PHF8: variants seen among roughly 807,000 people sequenced by gnomAD.
PHF8 encodes histone lysine demethylase PHF8.
Under a neutral mutation model 74.4 loss-of-function variants are expected in PHF8, and 9 were observed. That is an observed-to-expected ratio of 0.12 (90% confidence interval 0.07 to 0.21). The LOEUF is 0.21. Among genes scored for constraint, PHF8 ranks in the 10% least tolerant of loss-of-function variants. The pLI is 1.00. For synonymous variants in PHF8, 311 were observed against 316.6 expected (o/e 0.98, Z 0.19); for missense variants, 478 against 816.6 (o/e 0.59, Z 5.05).
intron 19 of PHF8, among the ~76,000 whole-genome samples, chrX:53,950,330 T>C (rs971951595): frequency 7.2e-5 from 8 of 111,874 alleles, no homozygotes; most frequent in Non-Finnish European, 1.3e-4. Flanking sequence ...CATAGCTGTT[T>C]AAGGTGATGG....
chrX:53,947,949 C>G (rs782224664), intron 19 of PHF8, among the ~76,000 whole-genome samples: 6 of 111,896 alleles, frequency 5.4e-5, no homozygotes, highest in Admixed American at 4.8e-4. Flanking sequence ...GACTCAAACT[C>G]TTGGCCAACA....
At chrX:54,008,413 CAGG>C (rs1231038423) in intron 8 of PHF8, among the ~76,000 whole-genome samples, 2 of 100,136 alleles carry the variant, frequency 2.0e-5, no homozygotes, top group African/African-American at 7.5e-5. Flanking sequence ...CGCCAGGGAG[CAGG>C]AGTAGCTCAC....
chrX:54,047,775 A>G (rs899334793), upstream of PHF8, among the ~76,000 whole-genome samples: 1 of 111,373 alleles, frequency 9.0e-6, no homozygotes, highest in Non-Finnish European at 1.9e-5. Context: ...GAGATAGAGA[A>G]TGATTTGAAA....
chrX:54,034,795 G>A (rs909786648), intron 2 of PHF8, among the ~76,000 whole-genome samples: 1 of 96,783 alleles, frequency 1.0e-5, no homozygotes, highest in Non-Finnish European at 2.0e-5. Flanking sequence ...CTGCACTCCA[G>A]CCTGGGCGAC....
chrX:54,035,809 A>C (rs1312933045), intron 2 of PHF8, among the ~76,000 whole-genome samples: 1 of 110,543 alleles, frequency 9.0e-6, no homozygotes, highest in Non-Finnish European at 1.9e-5. Context: ...TCTCAAAAAT[A>C]AATGAATGAA....
At chrX:54,020,937 C>T (rs1327041902) in intron 4 of PHF8, among the ~76,000 whole-genome samples, 1 of 112,192 alleles carries the variant, frequency 8.9e-6, no homozygotes, top group African/African-American at 3.2e-5. Flanking sequence ...AATCCCATTA[C>T]TGGATTTACA....
At chrX:54,008,259 C>T (rs1004858797) in intron 8 of PHF8, among the ~76,000 whole-genome samples, 2 of 106,554 alleles carry the variant, frequency 1.9e-5, no homozygotes, top group African/African-American at 6.9e-5. Flanking sequence ...CCCGGCTATG[C>T]GGGAGGCTGA....
chrX:53,950,578 A>C (rs1557086637), intron 19 of PHF8, among the ~76,000 whole-genome samples: 1 of 112,114 alleles, frequency 8.9e-6, no homozygotes, highest in African/African-American at 3.2e-5. Flanking sequence ...GGCTGAGTGA[A>C]GGCATGCTCC....
At chrX:54,003,239 A>G (rs2149853746) in intron 8 of PHF8, among the ~76,000 whole-genome samples, 1 of 112,350 alleles carries the variant, frequency 8.9e-6, no homozygotes, top group East Asian at 2.8e-4. Context: ...ACCACATAAT[A>G]AAAAGCTCTT....
rs375049779 is a variant in PHF8 at position 54,001,490 on chromosome X, A to AGAGT, written c.1141+661_1141+664dup. Among the ~76,000 whole-genome samples the AGAGT allele has an allele frequency of 4.3e-3, 461 of 106,382 alleles. 3 individuals carry two copies. Among genetic ancestry groups the AGAGT allele is most frequent in the African/African-American group, 0.015 (434 of 29,214 alleles). The allele number at this position is 106,382 out of a possible 115,157, so 92.4% of individuals were successfully genotyped here. On this transcript the variant is annotated intron_variant, in intron 10 of 21. Transcript: ENST00000338154. Reference sequence around the variant, plus strand: ...CCACTGCACTCCAGCCTGGGTGACAAGAGTGAGACTGTGTCTCGGAAAAAA... The same window carrying AGAGT: ...CCACTGCACTCCAGCCTGGGTGACAAGAGTGAGTGAGACTGTGTCTCGGAAAAAA...
In PHF8 at chrX:54,026,231, A is replaced by G. The variant is rs149663785; in HGVS notation, c.99-3388T>C. On this transcript the variant is annotated intron_variant, in intron 2 of 21. Transcript: ENST00000338154. The stretch of plus-strand genomic sequence containing the variant: ...TAGCTGGGAATGGTGGTGGGCGCCT[A>G]TAATTCCAGCTAATCAGGAGGCTGA... Among the ~76,000 whole-genome samples, 737 of 109,142 alleles carry G rather than the reference A, an allele frequency of 6.8e-3. 3 individuals carry two copies. The highest frequency in any genetic ancestry group is 9.8e-3 in the Non-Finnish European group (516 of 52,448). The allele number at this position is 109,142 out of a possible 115,157, so 94.8% of individuals were successfully genotyped here.
chrX:54,016,507 A>AG lies in PHF8; in HGVS notation c.596+87_596+88insC. ...AGACTCTGTCTCAAAAAAAAAAAAA[A>AG]AGAGAGAGAAACACGAATATACACT... On this transcript the variant is annotated intron_variant, in intron 6 of 21. Coordinates refer to ENST00000338154, the MANE Select transcript of PHF8 (RefSeq NM_015107.3). 9.7e-6 allele frequency: 8 copies of AG among 824,091 alleles called. 1 individual carries two copies. The highest frequency in any genetic ancestry group is 3.2e-5 in the East Asian group (1 of 31,140). The allele number at this position is 824,091 out of a possible 1,213,427, so 67.9% of individuals were successfully genotyped here.
At chrX:53,964,748 T>C (rs1160158229) in intron 18 of PHF8, among the ~76,000 whole-genome samples, 1 of 108,412 alleles carries the variant, frequency 9.2e-6, no homozygotes, top group African/African-American at 3.4e-5. Flanking sequence ...GCACCTGTAA[T>C]CCCAGCTACT....
At position 54,044,356 on chromosome X, in the gene PHF8, A is replaced by G; in HGVS notation, c.-687T>C. 1.3e-6 allele frequency: 1 copy of G among 749,693 alleles called. No homozygotes were observed. 61.8% of individuals were successfully genotyped at this position (749,693 alleles called of 1,213,427 possible). A position where few individuals can be genotyped will look rare whatever the true frequency, so the allele number is the denominator to read the frequency against. ...TCAATAAAGTTTATTCAAAACAATG[A>G]GGAAGTTGAGGCGGAGAGGGGAGGA... On this transcript the variant is annotated 5_prime_UTR_variant, in exon 1 of 22. Transcript: ENST00000338154.
At chrX:53,979,305 C>T (rs973310399) in intron 18 of PHF8, among the ~76,000 whole-genome samples, 18 of 111,070 alleles carry the variant, frequency 1.6e-4, no homozygotes, top group South Asian at 7.6e-4. Flanking sequence ...TCGCTTGAAC[C>T]GGGGAGGCGG....
At chrX:53,997,257 C>T (rs782019579) in intron 11 of PHF8, among the ~76,000 whole-genome samples, 47 of 111,272 alleles carry the variant, frequency 4.2e-4, no homozygotes, top group Non-Finnish European at 7.5e-4. Flanking sequence ...GTCTCTCTTT[C>T]GTTTGCCCTC....
At chrX:53,955,466 C>A (rs1557088382) in intron 19 of PHF8, among the ~76,000 whole-genome samples, 1 of 109,556 alleles carries the variant, frequency 9.1e-6, no homozygotes, top group African/African-American at 3.3e-5. Flanking sequence ...ACAGGCCAGG[C>A]ACTAGGCAAA....
At position 53,940,515 on chromosome X, in the gene PHF8, T is replaced by G; in HGVS notation, c.2651A>C (p.Glu884Ala). ...AAAAAKLAQQ[E>A]LQKAQKKKYI... The stretch of plus-strand genomic sequence containing the variant: ...TTTCTTCTTTTGGGCCTTCTGTAGC[T>G]CCTGAAACACAAGCCAAGTAGGAGG... The change falls in exon 21 of 22, where the codon GAG (glutamate) becomes GCG (alanine). Residue 884 changes from glutamate (E) to alanine (A), a missense_variant and splice_region_variant. Glu to Ala is a moderately radical substitution (Grantham distance 107). Around this residue, in one of 9 missense-constraint regions of PHF8, gnomAD observed 75 missense variants for 93.3 expected, o/e 0.80. Coordinates refer to ENST00000338154, the MANE Select transcript of PHF8 (RefSeq NM_015107.3). The G allele has an allele frequency of 8.5e-7, 1 of 1,179,681 alleles. No homozygotes were observed. Among genetic ancestry groups the G allele is most frequent in the Non-Finnish European group, 1.2e-6 (1 of 868,865 alleles).
chrX:53,967,213 CT>C (rs2065211605), intron 18 of PHF8, among the ~76,000 whole-genome samples: 1 of 107,012 alleles, frequency 9.3e-6, no homozygotes, highest in Non-Finnish European at 2.0e-5. Context: ...GCCGCCCCTA[CT>C]GGGAAGTGAG....
Sources: gnomAD v4.1 joint callset for allele counts (sites outside exome capture counted in the v4.1 genomes callset) on GRCh38, gnomAD v4.1.1 for gene constraint, gnomAD v4.1.1 regional missense constraint, MANE v1.5 for transcripts, NCBI Gene and HGNC (gene_info 2026-07-23, HGNC 2026-07-21) for gene names.